SAE1: variants seen among roughly 807,000 people sequenced by gnomAD.
SAE1 encodes the protein SUMO1 activating enzyme subunit 1, also known as SUMO-activating enzyme subunit 1.
Under a neutral mutation model 40.6 loss-of-function variants are expected in SAE1, and 11 were observed. The observed-to-expected ratio is 0.27, with a 90% CI of 0.17 to 0.45. SAE1 has a LOEUF of 0.45. Among genes scored for constraint, SAE1 ranks in the 20% least tolerant of loss-of-function variants. SAE1 has a pLI of 1.00. For missense variants in SAE1, 373 were observed against 427.3 expected (o/e 0.87, Z 1.12); for synonymous variants, 155 against 154.3 (o/e 1.00, Z -0.03).
intron 3 of SAE1, 94 bp from the exon 4 acceptor site, chr19:47,152,804 C>T: frequency 1.6e-6 from 2 of 1,248,098 alleles, no homozygotes; most frequent in Admixed American, 3.8e-5. Context: ...TTGAGCATGC[C>T]CAGAGAGACT....
At chr19:47,149,442 A>AT (rs901449623) in intron 2 of SAE1, among the ~76,000 whole-genome samples, 1 of 152,068 alleles carries the variant, frequency 6.6e-6, no homozygotes, top group African/African-American at 2.4e-5. Context: ...AAGTGCTGGG[A>AT]TTACAGGTGT....
intron 6 of SAE1, among the ~76,000 whole-genome samples, chr19:47,185,264 AT>A (rs2058537081): frequency 6.6e-6 from 1 of 152,116 alleles, no homozygotes; most frequent in Admixed American, 6.6e-5. Context: ...GAGTGTCTAA[AT>A]CCAAGAACCC....
intron 1 of SAE1, among the ~76,000 whole-genome samples, chr19:47,139,266 T>C (rs1280973032): frequency 6.6e-6 from 1 of 152,184 alleles, no homozygotes; most frequent in East Asian, 1.9e-4. Context: ...ATGGTCTCCA[T>C]CTCCTGAACT....
chr19:47,197,134 T>C, intron 6 of SAE1, 99 bp from the exon 7 acceptor site: 2 of 1,246,780 alleles, frequency 1.6e-6, no homozygotes, highest in Non-Finnish European at 2.2e-6. Flanking sequence ...TGAGCCAAGA[T>C]TGTGCCATTG....
intron 7 of SAE1, among the ~76,000 whole-genome samples, chr19:47,198,200 C>T (rs1489025193): frequency 6.6e-6 from 1 of 152,122 alleles, no homozygotes; most frequent in Non-Finnish European, 1.5e-5. Flanking sequence ...ACTTCTGCCG[C>T]CTGGGTCCAA....
intron 5 of SAE1, among the ~76,000 whole-genome samples, chr19:47,159,477 C>T (rs992935909): frequency 2.8e-4 from 42 of 151,992 alleles, no homozygotes; most frequent in African/African-American, 9.6e-4. Flanking sequence ...GTCATATCCA[C>T]GGAATATTTG....
At chr19:47,142,203 G>T (rs747844227) in intron 1 of SAE1, among the ~76,000 whole-genome samples, 6 of 151,906 alleles carry the variant, frequency 3.9e-5, no homozygotes, top group African/African-American at 7.3e-5. Flanking sequence ...GAACAACATG[G>T]TGAAACTCCG....
chr19:47,187,957 A>G (rs2058554172), intron 6 of SAE1, among the ~76,000 whole-genome samples: 1 of 152,168 alleles, frequency 6.6e-6, no homozygotes, highest in African/African-American at 2.4e-5. Flanking sequence ...GGTGTTCAGT[A>G]TAGAGTAGTG....
rs2058421014 is a variant in SAE1, at chr19:47,170,024, T to G, written c.733+101T>G. Reference sequence around the variant, plus strand: ...ATGGTTTTGTGATGTTTGCCTTGGGTGGCATTCTTCATTGGCTAGTTCTCA... The same window carrying G: ...ATGGTTTTGTGATGTTTGCCTTGGGGGGCATTCTTCATTGGCTAGTTCTCA... On this transcript the variant is annotated intron_variant, in intron 6 of 8. Transcript: ENST00000270225. 2.3e-5 allele frequency: 20 copies of G among 864,038 alleles called. No homozygotes were observed. In the South Asian group the frequency reaches 2.8e-4, roughly 12 times the overall value. The allele number at this position is 864,038 out of a possible 1,614,324, so 53.5% of individuals were successfully genotyped here.
intron 3 of SAE1, among the ~76,000 whole-genome samples, chr19:47,151,739 A>G (rs1186200436): frequency 3.9e-5 from 6 of 152,196 alleles, no homozygotes; most frequent in South Asian, 2.1e-4. Context: ...CCATTTGGAC[A>G]TAAGTCTTCA....
chr19:47,148,755 C>G (rs1335798514), intron 2 of SAE1, among the ~76,000 whole-genome samples: 1 of 151,696 alleles, frequency 6.6e-6, no homozygotes, highest in Non-Finnish European at 1.5e-5. Context: ...GCTGGAATTA[C>G]AGGCGTGTGC....
chr19:47,161,928 T>C (rs2058361893), intron 5 of SAE1, among the ~76,000 whole-genome samples: 1 of 152,220 alleles, frequency 6.6e-6, no homozygotes, highest in African/African-American at 2.4e-5. Flanking sequence ...TGTTTATATG[T>C]TGTTCTAGGG....
chr19:47,153,192 C>T, intron 4 of SAE1, 152 bp downstream of exon 4: 1 of 617,792 alleles, frequency 1.6e-6, no homozygotes, highest in Non-Finnish European at 2.5e-6. Flanking sequence ...ATCCTCCCAC[C>T]TTGGCCTCCC....
intron 7 of SAE1, among the ~76,000 whole-genome samples, chr19:47,197,897 A>T (rs1191718866): frequency 6.6e-6 from 1 of 152,228 alleles, no homozygotes; most frequent in Non-Finnish European, 1.5e-5. Flanking sequence ...CTGGGTCAGA[A>T]GGTTGTAATT....
chr19:47,187,509 T>A (rs1003087955), intron 6 of SAE1, among the ~76,000 whole-genome samples: 1 of 152,200 alleles, frequency 6.6e-6, no homozygotes, highest in Non-Finnish European at 1.5e-5. Context: ...GCTTTGGATT[T>A]CCAGGAGCTT....
At chr19:47,189,276 G>A (rs1009449306) in intron 6 of SAE1, among the ~76,000 whole-genome samples, 3 of 152,202 alleles carry the variant, frequency 2.0e-5, no homozygotes, top group Non-Finnish European at 4.4e-5. Flanking sequence ...CCAACCTGGG[G>A]GCTGGGCGCA....
At position 47,156,153 on chromosome 19, in the gene SAE1, G is replaced by T. The variant is rs554775805; in HGVS notation, c.627+940G>T. 2.0e-5 allele frequency among the ~76,000 whole-genome samples: 3 copies of T among 151,802 alleles called. No homozygotes were observed. The East Asian group carries it at 5.8e-4, about 29-fold the overall frequency. On this transcript the variant is annotated intron_variant, in intron 5 of 8. Transcript: ENST00000270225. ...CTGGCGTGATGGTGAGCACCTGTAGGCCCAGCTACTCATAGGCTGAGCTGG... is the reference window on the plus strand; with the variant it reads ...CTGGCGTGATGGTGAGCACCTGTAGTCCCAGCTACTCATAGGCTGAGCTGG...
chr19:47,144,357 G>T (rs2058241907), intron 2 of SAE1, among the ~76,000 whole-genome samples: 1 of 148,956 alleles, frequency 6.7e-6, no homozygotes, highest in African/African-American at 2.5e-5. Context: ...TTAATGAAAG[G>T]TGTTTCAGGA....
At chr19:47,181,950 G>C (rs1447635160) in intron 6 of SAE1, among the ~76,000 whole-genome samples, 2 of 151,224 alleles carry the variant, frequency 1.3e-5, no homozygotes, top group Non-Finnish European at 2.9e-5. Flanking sequence ...ATTATTGTAG[G>C]CTAAATTTTT....
Sources: allele counts gnomAD v4.1 joint callset (sites outside exome capture counted in the v4.1 genomes callset), GRCh38; gene constraint gnomAD v4.1.1; transcripts MANE v1.5; gene names NCBI Gene and HGNC (gene_info 2026-07-23, HGNC 2026-07-21).